Variants in ALG14 observed in about 807,000 individuals in gnomAD.
The protein encoded by ALG14 is ALG14 UDP-N-acetylglucosaminyltransferase subunit, also known as UDP-N-acetylglucosamine transferase subunit ALG14.
ALG14 carries 17 observed loss-of-function variants against 22.8 expected under a neutral mutation model. That is an observed-to-expected ratio of 0.75 (90% confidence interval 0.51 to 1.12). The LOEUF is 1.12. ALG14 is among the 50% of genes most tolerant of loss of function. The pLI, the probability that ALG14 is intolerant of heterozygous loss-of-function variation, is 0.00. For synonymous variants in ALG14, 89 were observed against 103.7 expected, an observed-to-expected ratio of 0.86 and a Z score of 0.86; for missense variants, 288 against 271.8, an observed-to-expected ratio of 1.06 and a Z score of -0.42.
intron 2 of ALG14, among the ~76,000 whole-genome samples, chr1:95,040,213 T>G (rs1674338174): frequency 7.4e-6 from 1 of 135,666 alleles, no homozygotes; most frequent in Admixed American, 7.3e-5. Flanking sequence ...ATAAATAAGA[T>G]TCCTAATCTC....
In ALG14 at chr1:95,016,492, G is replaced by A. The variant is rs187606342; in HGVS notation, c.420+10637C>T. Among the ~76,000 whole-genome samples the A allele has an allele frequency of 2.3e-3, 344 of 152,238 alleles. 3 individuals carry two copies. The highest frequency in any genetic ancestry group is 0.017 in the Middle Eastern group (5 of 294). ...CTAATAAAAAGAGGAAAGGGAATAT[G>A]CAGACACATGCTGATTTTTATATTT... is the stretch of plus-strand genomic sequence containing the variant. On this transcript the variant is annotated intron_variant, in intron 3 of 3. Coordinates refer to ENST00000370205, the MANE Select transcript of ALG14 (RefSeq NM_144988.4).
intron 2 of ALG14, among the ~76,000 whole-genome samples, chr1:95,049,743 C>T (rs540632693): frequency 2.6e-5 from 4 of 151,844 alleles, no homozygotes; most frequent in Admixed American, 2.6e-4. Context: ...TGGTGGTGCA[C>T]GTCTATAGTC....
Position 95,039,552 on chromosome 1 carries a change from G to A in ALG14, c.289-12292C>T, listed in dbSNP as rs146975052. 3.0e-4 allele frequency among the ~76,000 whole-genome samples: 46 copies of A among 152,208 alleles called. No homozygotes were observed. In the South Asian group the frequency reaches 4.6e-3, roughly 15 times the overall value. ...GACCTGGGGAGCAAATAGCAAGAGC[G>A]GAAACAGGCTGACAGCACATCATGA... is the stretch of plus-strand genomic sequence containing the variant. On this transcript the variant is annotated intron_variant, in intron 2 of 3. Transcript: ENST00000370205.
intron 3 of ALG14, among the ~76,000 whole-genome samples, chr1:95,017,084 C>G (rs548386124): frequency 6.6e-6 from 1 of 151,886 alleles, no homozygotes; most frequent in African/African-American, 2.4e-5. Flanking sequence ...TCTGCTATCG[C>G]CCAAGGATCA....
intron 3 of ALG14, among the ~76,000 whole-genome samples, chr1:95,001,242 G>T (rs1673058049): frequency 6.6e-6 from 1 of 152,200 alleles, no homozygotes; most frequent in Non-Finnish European, 1.5e-5. Flanking sequence ...GAGTTTAGGA[G>T]GACAGATTGA....
Position 94,976,538 on chromosome 1 carries a change from C to T in ALG14, c.*6538G>A, listed in dbSNP as rs755042391. On this transcript the variant is annotated 3_prime_UTR_variant, in exon 4 of 4. Transcript: ENST00000370205. ...TGAAACCCCATCTCTGCTAAAAATA[C>T]AAAAGTTAGCCGGGCTGGTGGTGCA... 4.6e-5 allele frequency: 7 copies of T among 151,862 alleles called. No individual in the cohort carries two copies. The highest frequency in any genetic ancestry group is 8.8e-5 in the Non-Finnish European group (6 of 68,022). 9.4% of individuals were successfully genotyped at this position (151,862 alleles called of 1,614,324 possible).
chr1:95,017,588 T>A (rs908731708), intron 3 of ALG14, among the ~76,000 whole-genome samples: 1 of 151,610 alleles, frequency 6.6e-6, no homozygotes, highest in Non-Finnish European at 1.5e-5. Context: ...GAGGTGTAGA[T>A]GAGAGGAAGA....
intron 3 of ALG14, among the ~76,000 whole-genome samples, chr1:94,989,054 A>G (rs1672709911): frequency 6.6e-6 from 1 of 152,186 alleles, no homozygotes; most frequent in Non-Finnish European, 1.5e-5. Context: ...ACGGTTTTTA[A>G]TGACTGCATA....
At chr1:95,038,203 G>A (rs767448547) in intron 2 of ALG14, among the ~76,000 whole-genome samples, 6 of 152,078 alleles carry the variant, frequency 3.9e-5, no homozygotes, top group South Asian at 2.1e-4. Flanking sequence ...AATTGGCCAC[G>A]CGCGGTGGCT....
intron 2 of ALG14, among the ~76,000 whole-genome samples, chr1:95,031,577 A>AT (rs1171939729): frequency 3.3e-5 from 5 of 152,082 alleles, no homozygotes; most frequent in African/African-American, 1.2e-4. Flanking sequence ...CCACCTACAC[A>AT]TCCCCCCACC....
At chr1:95,044,605 G>C (rs1241064685) in intron 2 of ALG14, among the ~76,000 whole-genome samples, 2 of 152,050 alleles carry the variant, frequency 1.3e-5, no homozygotes, top group East Asian at 1.9e-4. Context: ...AAGGTCCTAA[G>C]AGCAATCACA....
intron 3 of ALG14, among the ~76,000 whole-genome samples, chr1:95,002,404 G>T (rs1053000572): frequency 6.6e-6 from 1 of 152,066 alleles, no homozygotes; most frequent in African/African-American, 2.4e-5. Flanking sequence ...GAGGCTGAGC[G>T]GGTTGGGGAT....
Position 95,072,707 on chromosome 1 carries a change from A to G in ALG14, c.136+56T>C, listed in dbSNP as rs1359934654. 12 of 1,596,898 alleles carry G rather than the reference A, an allele frequency of 7.5e-6. No individual in the cohort carries two copies. In the South Asian group the frequency reaches 1.2e-4, roughly 16 times the overall value. ...GTACCAGGGAAGAGCGTCGCGGTGC[A>G]CTCTGGGGTTTGTAGTGACCAACCC... On this transcript the variant is annotated intron_variant, in intron 1 of 3. Transcript: ENST00000370205.
chr1:95,063,471 A>G (rs1467548798), intron 2 of ALG14, among the ~76,000 whole-genome samples: 1 of 152,150 alleles, frequency 6.6e-6, no homozygotes, highest in African/African-American at 2.4e-5. Context: ...GTTTCTGTAT[A>G]AAGTGTAAGG....
intron 3 of ALG14, among the ~76,000 whole-genome samples, chr1:95,026,064 C>G (rs1009649357): frequency 6.6e-6 from 1 of 152,032 alleles, no homozygotes; most frequent in Non-Finnish European, 1.5e-5. Flanking sequence ...TTCCGAGTAG[C>G]TGGGACTACA....
In ALG14 at chr1:95,034,225, G is replaced by GTC. The variant is rs566472879; in HGVS notation, c.289-6967_289-6966dup. Among the ~76,000 whole-genome samples the GTC allele has an allele frequency of 3.4e-4, 51 of 152,226 alleles. No individual in the cohort carries two copies. The South Asian group carries it at 4.6e-3, about 14-fold the overall frequency. On this transcript the variant is annotated intron_variant, in intron 2 of 3. Transcript: ENST00000370205. Reference sequence around the variant, plus strand: ...GAGACAGTTCTTCTCCAAATATGTGGTCTCTCCACCACACTGTCTTGTTTT... The same window carrying GTC: ...GAGACAGTTCTTCTCCAAATATGTGGTCTCTCTCCACCACACTGTCTTGTTTT...
chr1:94,995,650 G>A (rs1041333133), intron 3 of ALG14, among the ~76,000 whole-genome samples: 1 of 152,210 alleles, frequency 6.6e-6, no homozygotes, highest in African/African-American at 2.4e-5. Context: ...CGGGGCAGAG[G>A]ATGCAGTGAG....
intron 3 of ALG14, among the ~76,000 whole-genome samples, chr1:95,001,426 A>G (rs1673064438): frequency 6.6e-6 from 1 of 152,232 alleles, no homozygotes; most frequent in African/African-American, 2.4e-5. Context: ...GGGTGGCTGC[A>G]TATATAAGCA....
At chr1:95,054,760 G>A (rs949051412) in intron 2 of ALG14, among the ~76,000 whole-genome samples, 6 of 152,066 alleles carry the variant, frequency 3.9e-5, no homozygotes, top group African/African-American at 1.4e-4. Flanking sequence ...AACCAATTCC[G>A]TGCTTACACA....
Sources: allele counts gnomAD v4.1 joint callset (sites outside exome capture counted in the v4.1 genomes callset), GRCh38; gene constraint gnomAD v4.1.1; transcripts MANE v1.5; gene names NCBI Gene and HGNC (gene_info 2026-07-23, HGNC 2026-07-21).